The following MAP3K3 variants were observed in gnomAD, a reference collection of about 807,000 sequenced individuals.
The protein encoded by MAP3K3 is MAP/ERK kinase kinase 3.
Under a neutral mutation model 80.9 loss-of-function variants are expected in MAP3K3, and 12 were observed. The observed-to-expected ratio is 0.15, with a 90% CI of 0.10 to 0.24. MAP3K3 has a LOEUF of 0.24. MAP3K3 is among the 10% of genes least tolerant of loss of function. The pLI is 1.00. For missense variants in MAP3K3, 596 were observed against 834.7 expected, an observed-to-expected ratio of 0.71 and a Z score of 3.52; for synonymous variants, 272 against 307.1, an observed-to-expected ratio of 0.89 and a Z score of 1.19.
rs1429630779 is a variant in MAP3K3, at chr17:63,689,385, G to A, written c.872-159G>A. On this transcript the variant is annotated intron_variant, in intron 10 of 15. Transcript: ENST00000361733. This position sits in a 1 kb window ranked among gnomAD's most constrained non-coding sequence, Gnocchi z 4.3. ...TGTGGAATGAGTCAGGTGGGAGTGCGGACGGGATGGGCTGGAGCTGGTATT... is the reference window on the plus strand; with the variant it reads ...TGTGGAATGAGTCAGGTGGGAGTGCAGACGGGATGGGCTGGAGCTGGTATT... The A allele has an allele frequency of 3.2e-5, 20 of 620,956 alleles. No individual in the cohort carries two copies. Among genetic ancestry groups the A allele is most frequent in the Admixed American group, 2.3e-4 (8 of 34,290 alleles). 38.5% of individuals were successfully genotyped at this position (620,956 alleles called of 1,614,324 possible). A position where few individuals can be genotyped will look rare whatever the true frequency, so the allele number is the denominator to read the frequency against.
intron 7 of MAP3K3, among the ~76,000 whole-genome samples, chr17:63,682,120 C>A (rs1172391584): frequency 6.6e-6 from 1 of 152,150 alleles, no homozygotes; most frequent in Non-Finnish European, 1.5e-5. Context: ...TACATAGTTT[C>A]CTTGTTGTTG....
intron 6 of MAP3K3, among the ~76,000 whole-genome samples, chr17:63,671,325 G>A (rs181791064): frequency 3.8e-4 from 57 of 149,242 alleles, no homozygotes; most frequent in African/African-American, 1.4e-3. Context: ...GTGTGATCTC[G>A]GCTCACTGCA....
rs549538320 is a variant in MAP3K3 at position 63,691,433 on chromosome 17, A to T, written c.1344+200A>T. ...GGTTGCAGTGGGAGTATGAGATGAC[A>T]GCTGTCCTAGGTCCAGCACTCCCCT... On this transcript the variant is annotated intron_variant, in intron 13 of 15. Transcript: ENST00000361733. This position sits in a 1 kb window ranked among gnomAD's most constrained non-coding sequence, Gnocchi z 4.8. Among the ~76,000 whole-genome samples the T allele has an allele frequency of 6.6e-6, 1 of 152,286 alleles. No individual in the cohort carries two copies.
At chr17:63,662,805 G>A (rs750630823) in intron 5 of MAP3K3, among the ~76,000 whole-genome samples, 1 of 151,680 alleles carries the variant, frequency 6.6e-6, no homozygotes, top group Non-Finnish European at 1.5e-5. Context: ...TTACAGGCGT[G>A]CGCCACTACG....
intron 2 of MAP3K3, among the ~76,000 whole-genome samples, chr17:63,641,133 A>G (rs1023942057): frequency 2.0e-5 from 3 of 152,194 alleles, no homozygotes; most frequent in Admixed American, 6.5e-5. Context: ...ACTTTACCCA[A>G]TTATATGATT....
At chr17:63,634,780 C>T (rs1000808812) in intron 2 of MAP3K3, 31 of 1,613,752 alleles carry the variant, frequency 1.9e-5, no homozygotes, top group Non-Finnish European at 2.5e-5. Flanking sequence ...GTGCAGGGGC[C>T]AGTGAGAAAA....
chr17:63,692,493 G>C lies in MAP3K3; in HGVS notation c.1652+74G>C. 2 of 1,464,842 alleles carry C rather than the reference G, an allele frequency of 1.4e-6. No homozygotes were observed. Among genetic ancestry groups the C allele is most frequent in the Non-Finnish European group, 1.8e-6 (2 of 1,095,808 alleles). 90.7% of individuals were successfully genotyped at this position (1,464,842 alleles called of 1,614,324 possible). The stretch of plus-strand genomic sequence containing the variant: ...GCCCCCCATTAGAAACACACCCTGG[G>C]GACTTTGTGGTGTGGCAGGAGGGAG... On this transcript the variant is annotated intron_variant, in intron 15 of 15. Transcript: ENST00000361733. This position sits in a 1 kb window ranked among gnomAD's most constrained non-coding sequence, Gnocchi z 4.5.
Position 63,692,522 on chromosome 17 carries a change from G to C in MAP3K3, c.1652+103G>C. The C allele has an allele frequency of 8.3e-7, 1 of 1,203,658 alleles. No homozygotes were observed. Among genetic ancestry groups the C allele is most frequent in the Non-Finnish European group, 1.1e-6 (1 of 874,096 alleles). 74.6% of individuals were successfully genotyped at this position (1,203,658 alleles called of 1,614,324 possible). ...TTTGTGGTGTGGCAGGAGGGAGTGTGCCCAGGGCCCAGGCTGCAGTGTGTG... is the reference window on the plus strand; with the variant it reads ...TTTGTGGTGTGGCAGGAGGGAGTGTCCCCAGGGCCCAGGCTGCAGTGTGTG... On this transcript the variant is annotated intron_variant, in intron 15 of 15. Transcript: ENST00000361733. The surrounding 1 kb of genome is among the most constrained non-coding windows in gnomAD (Gnocchi z 4.5).
intron 7 of MAP3K3, among the ~76,000 whole-genome samples, chr17:63,685,020 G>A (rs2035418256): frequency 6.6e-6 from 1 of 152,174 alleles, no homozygotes; most frequent in African/African-American, 2.4e-5. Context: ...GGACATTTTT[G>A]TTCTGGTATC....
At chr17:63,660,599 T>C (rs928576133) in intron 5 of MAP3K3, among the ~76,000 whole-genome samples, 4 of 150,996 alleles carry the variant, frequency 2.6e-5, no homozygotes, top group Non-Finnish European at 4.4e-5. Context: ...CTTTTCTTTT[T>C]TTTTTTATTT....
intron 2 of MAP3K3, among the ~76,000 whole-genome samples, chr17:63,635,942 G>A (rs1031789247): frequency 6.6e-6 from 1 of 152,152 alleles, no homozygotes; most frequent in African/African-American, 2.4e-5. Flanking sequence ...AAGCATTTTG[G>A]CTAGCTGGAA....
At position 63,692,391 on chromosome 17, in the gene MAP3K3, G is replaced by A. The variant is rs1470835367; in HGVS notation, c.1624G>A (p.Glu542Lys). 4 of 1,609,208 alleles carry A rather than the reference G, an allele frequency of 2.5e-6. No individual in the cohort carries two copies. The highest frequency in any genetic ancestry group is 1.3e-5 in the African/African-American group (1 of 74,740). ...YWMSPEVISG[E>K]GYGRKADVWS... The stretch of plus-strand genomic sequence containing the variant: ...GATGAGCCCTGAGGTGATCAGCGGC[G>A]AGGGCTATGGAAGGAAAGCAGACGT... The change falls in exon 15 of 16, where the codon GAG becomes AAG. Residue 542 changes from glutamate (E) to lysine (K), a missense_variant. This residue lies in a region of MAP3K3 where 364 missense variants were observed against 588.9 expected (regional missense o/e 0.62). Coordinates refer to ENST00000361733, the MANE Select transcript of MAP3K3 (RefSeq NM_002401.5). The surrounding 1 kb of genome is among the most constrained non-coding windows in gnomAD (Gnocchi z 4.5).
intron 1 of MAP3K3, among the ~76,000 whole-genome samples, chr17:63,630,026 TGAAA>T (rs2034184345): frequency 6.6e-6 from 1 of 152,206 alleles, no homozygotes; most frequent in South Asian, 2.1e-4. Context: ...ATATCTGAGT[TGAAA>T]GAACTGAAAA....
chr17:63,641,079 A>G (rs1315471583), intron 2 of MAP3K3, among the ~76,000 whole-genome samples: 2 of 152,198 alleles, frequency 1.3e-5, no homozygotes, highest in Non-Finnish European at 2.9e-5. Flanking sequence ...ATAGACCTGT[A>G]TTACCATTTA....
At chr17:63,670,976 C>G (rs972888145) in intron 6 of MAP3K3, among the ~76,000 whole-genome samples, 1 of 152,022 alleles carries the variant, frequency 6.6e-6, no homozygotes, top group African/African-American at 2.4e-5. Flanking sequence ...GTTACATATT[C>G]GTATTTGTAT....
At chr17:63,652,961 G>C (rs2034689383) in intron 4 of MAP3K3, among the ~76,000 whole-genome samples, 1 of 152,174 alleles carries the variant, frequency 6.6e-6, no homozygotes, top group African/African-American at 2.4e-5. Flanking sequence ...CATTTTGTAG[G>C]AGTATCTTAT....
chr17:63,624,372 T>C (rs1338686973), intron 1 of MAP3K3, among the ~76,000 whole-genome samples: 1 of 152,210 alleles, frequency 6.6e-6, no homozygotes, highest in East Asian at 1.9e-4. Context: ...GTGAAATACT[T>C]AAGGGTATGT....
At chr17:63,682,929 CA>C (rs1441012680) in intron 7 of MAP3K3, among the ~76,000 whole-genome samples, 1 of 152,240 alleles carries the variant, frequency 6.6e-6, no homozygotes, top group Admixed American at 6.5e-5. Context: ...GTGTGTCTAC[CA>C]CAGTGGCTCA....
At chr17:63,645,036 T>A (rs1041535724) in intron 2 of MAP3K3, among the ~76,000 whole-genome samples, 1 of 152,256 alleles carries the variant, frequency 6.6e-6, no homozygotes, top group Non-Finnish European at 1.5e-5. Flanking sequence ...TCCTCTTTAA[T>A]TTGTTCTTTG....
Sources: gnomAD v4.1 joint callset for allele counts (sites outside exome capture counted in the v4.1 genomes callset) on GRCh38, gnomAD v4.1.1 for gene constraint, gnomAD v4.1.1 regional missense constraint, Gnocchi (gnomAD v3.1) non-coding constraint, MANE v1.5 for transcripts, NCBI Gene and HGNC (gene_info 2026-07-23, HGNC 2026-07-21) for gene names.